Variants in PPARGC1A observed in about 807,000 individuals in gnomAD.
The protein encoded by PPARGC1A is PPARG coactivator 1 alpha.
In PPARGC1A, 25 loss-of-function variants were observed where a neutral mutation model predicts 88.7. The observed-to-expected ratio is 0.28, with a 90% CI of 0.21 to 0.39. PPARGC1A has a LOEUF of 0.39. Among genes scored for constraint, PPARGC1A ranks in the 10% least tolerant of loss-of-function variants. The pLI, the probability that PPARGC1A is intolerant of heterozygous loss-of-function variation, is 1.00. For synonymous variants in PPARGC1A, 363 were observed against 355.6 expected (o/e 1.02, Z -0.24); for missense variants, 880 against 968.7 (o/e 0.91, Z 1.22).
chr4:23,831,908 T>C (rs1307445384), intron 2 of PPARGC1A, among the ~76,000 whole-genome samples, 157 bp from the exon 3 acceptor site: 1 of 152,082 alleles, frequency 6.6e-6, no homozygotes, highest in Non-Finnish European at 1.5e-5. Flanking sequence ...TCCAAATTCA[T>C]GTTTTGGTCC....
the PPARGC1A span, among the ~76,000 whole-genome samples, chr4:24,324,135 G>T: frequency 1.3e-5 from 2 of 152,164 alleles, no homozygotes; most frequent in African/African-American, 2.4e-5. Context: ...GTCAAACCAC[G>T]CAGGGACGCC....
chr4:23,911,434 T>C, the PPARGC1A span, among the ~76,000 whole-genome samples: 1 of 152,182 alleles, frequency 6.6e-6, no homozygotes, highest in Admixed American at 6.5e-5. Context: ...ATCCCCATGG[T>C]TTATGGCTAT....
the PPARGC1A span, among the ~76,000 whole-genome samples, chr4:24,074,875 A>C: frequency 2.0e-5 from 3 of 152,142 alleles, no homozygotes; most frequent in Non-Finnish European, 4.4e-5. Context: ...TAAATGGGAC[A>C]CTCACACCTG....
chr4:24,023,833 G>T, the PPARGC1A span, among the ~76,000 whole-genome samples: 128 of 151,828 alleles, frequency 8.4e-4, no homozygotes, highest in African/African-American at 2.9e-3. Flanking sequence ...AGTGGCAAAA[G>T]AAAAGTGAAG....
chr4:23,838,071 G>C (rs1726365064), intron 2 of PPARGC1A, among the ~76,000 whole-genome samples: 1 of 152,146 alleles, frequency 6.6e-6, no homozygotes, highest in Non-Finnish European at 1.5e-5. Flanking sequence ...GAGGTTTTTA[G>C]CTTTTTTCTT....
At chr4:23,965,652 G>C in the PPARGC1A span, among the ~76,000 whole-genome samples, 1 of 152,164 alleles carries the variant, frequency 6.6e-6, no homozygotes, top group Admixed American at 6.5e-5. Context: ...CAGCTCCTCA[G>C]CTTGAGGGCT....
At chr4:24,413,976 T>C in the PPARGC1A span, among the ~76,000 whole-genome samples, 1 of 152,274 alleles carries the variant, frequency 6.6e-6, no homozygotes, top group East Asian at 1.9e-4. Flanking sequence ...AGAAGTCAAA[T>C]GACAAGGCTG....
chr4:24,127,938 GTTTCCA>G, the PPARGC1A span, among the ~76,000 whole-genome samples: 1 of 152,146 alleles, frequency 6.6e-6, no homozygotes, highest in Non-Finnish European at 1.5e-5. Flanking sequence ...ACAAAGACTA[GTTTCCA>G]TTTTTTCTAT....
chr4:24,368,298 T>C, the PPARGC1A span, among the ~76,000 whole-genome samples: 1 of 152,188 alleles, frequency 6.6e-6, no homozygotes, highest in African/African-American at 2.4e-5. Context: ...TGAAGTACCA[T>C]ACAATTTTAG....
the PPARGC1A span, among the ~76,000 whole-genome samples, chr4:24,472,888 G>A: frequency 6.6e-6 from 1 of 151,164 alleles, no homozygotes; most frequent in Non-Finnish European, 1.5e-5. This position sits in a 1 kb window ranked among gnomAD's most constrained non-coding sequence, Gnocchi z 4.5. Context: ...GAGGCAGCGC[G>A]AGCGGGCGGG....
chr4:23,830,189 T>A (rs543409607), intron 3 of PPARGC1A, among the ~76,000 whole-genome samples: 2 of 152,274 alleles, frequency 1.3e-5, no homozygotes, highest in East Asian at 3.9e-4. Flanking sequence ...GTGTATGAAA[T>A]TACTGATTCA....
the PPARGC1A span, among the ~76,000 whole-genome samples, chr4:24,107,009 GAA>G: frequency 2.0e-5 from 3 of 152,152 alleles, no homozygotes; most frequent in Non-Finnish European, 4.4e-5. Context: ...GCTTCCTCTG[GAA>G]AAGCCATGAT....
chr4:24,380,492 A>G, the PPARGC1A span, among the ~76,000 whole-genome samples: 1 of 152,134 alleles, frequency 6.6e-6, no homozygotes. Context: ...TCCTTTTTGG[A>G]TGATGTGTAG....
At chr4:23,860,310 CA>C (rs1731014958) in intron 2 of PPARGC1A, among the ~76,000 whole-genome samples, 1 of 110,546 alleles carries the variant, frequency 9.0e-6, no homozygotes, top group Non-Finnish European at 1.7e-5. Flanking sequence ...TGATGGTTAC[CA>C]GGGGTGGGGG....
chr4:24,285,052 G>T, the PPARGC1A span, among the ~76,000 whole-genome samples: 1 of 149,768 alleles, frequency 6.7e-6, no homozygotes, highest in African/African-American at 2.5e-5. Context: ...GAAAGAAGAA[G>T]TTAAAAAAAA....
chr4:23,930,891 C>T, the PPARGC1A span, among the ~76,000 whole-genome samples: 2 of 152,222 alleles, frequency 1.3e-5, no homozygotes, highest in African/African-American at 4.8e-5. Context: ...CAAAGTGACA[C>T]ACTAACCAAC....
At chr4:24,213,998 G>A in the PPARGC1A span, among the ~76,000 whole-genome samples, 7 of 152,326 alleles carry the variant, frequency 4.6e-5, no homozygotes, top group South Asian at 8.3e-4. Context: ...AACATAAAGC[G>A]AAGCAGTTCA....
chr4:23,991,199 T>A, the PPARGC1A span, among the ~76,000 whole-genome samples: 1 of 151,856 alleles, frequency 6.6e-6, no homozygotes, highest in African/African-American at 2.4e-5. Flanking sequence ...ATAAGCCAAT[T>A]AAGAGAGAGG....
At chr4:24,317,587 A>C in the PPARGC1A span, among the ~76,000 whole-genome samples, 41 of 139,836 alleles carry the variant, frequency 2.9e-4, no homozygotes, top group African/African-American at 7.1e-4. Context: ...AAAAAAAAAA[A>C]AAAAAAAAAC....
Sources: allele counts gnomAD v4.1 joint callset (sites outside exome capture counted in the v4.1 genomes callset), GRCh38; gene constraint gnomAD v4.1.1; non-coding constraint Gnocchi (gnomAD v3.1); transcripts MANE v1.5; gene names NCBI Gene and HGNC (gene_info 2026-07-23, HGNC 2026-07-21).